The following CCDC122 variants were observed in gnomAD, a reference collection of about 807,000 sequenced individuals.
The protein encoded by CCDC122 is coiled-coil domain-containing protein 122.
CCDC122 carries 38 observed loss-of-function variants against 37.0 expected under a neutral mutation model. The observed-to-expected ratio is 1.03, with a 90% CI of 0.79 to 1.35. The LOEUF is 1.35. CCDC122 is among the 40% of genes most tolerant of loss of function. CCDC122 has a pLI of 0.00. For synonymous variants in CCDC122, 83 were observed against 95.6 expected (o/e 0.87, Z 0.77); for missense variants, 305 against 310.0 (o/e 0.98, Z 0.12).
At chr13:43,860,151 A>G (rs1318235239) in intron 4 of CCDC122, 81 bp from the exon 5 acceptor site, 1 of 676,332 alleles carries the variant, frequency 1.5e-6, no homozygotes, top group Non-Finnish European at 2.2e-6. Flanking sequence ...TCCATAATGA[A>G]TATAGGAAAA....
At chr13:43,873,516 T>A (rs1402046138) in intron 2 of CCDC122, among the ~76,000 whole-genome samples, 1 of 152,158 alleles carries the variant, frequency 6.6e-6, no homozygotes, top group Non-Finnish European at 1.5e-5. Flanking sequence ...CCCAAGGCAA[T>A]TCAACTAGAC....
intron 6 of CCDC122, among the ~76,000 whole-genome samples, chr13:43,837,973 G>A (rs1434707039): frequency 6.6e-6 from 1 of 152,100 alleles, no homozygotes; most frequent in Non-Finnish European, 1.5e-5. Flanking sequence ...GCCAGCTTTG[G>A]TCAATCACAG....
intron 4 of CCDC122, among the ~76,000 whole-genome samples, chr13:43,865,596 T>A (rs1954251703): frequency 6.6e-6 from 1 of 152,118 alleles, no homozygotes; most frequent in South Asian, 2.1e-4. Flanking sequence ...GGTCTCTCTC[T>A]CCTATCTTAT....
At position 43,879,733 on chromosome 13, in the gene CCDC122, A is replaced by AGGGG. The variant is rs1954832346; in HGVS notation, c.-303_-302insCCCC. 7.0e-6 allele frequency: 1 copy of AGGGG among 142,054 alleles called. No individual in the cohort carries two copies. The highest frequency in any genetic ancestry group is 1.5e-5 in the Non-Finnish European group (1 of 65,752). 8.8% of individuals were successfully genotyped at this position (142,054 alleles called of 1,614,324 possible). A position where few individuals can be genotyped will look rare whatever the true frequency, so the allele number is the denominator to read the frequency against. On this transcript the variant is annotated 5_prime_UTR_variant, in exon 1 of 7. Transcript: ENST00000444614. ...GCGGGGAATCTGTGCGGCCGCGGCG[A>AGGGG]GGTAGGTGAGGTGAGGCGGGGCGAG...
chr13:43,865,205 G>A (rs909978977), intron 4 of CCDC122, among the ~76,000 whole-genome samples: 8 of 152,202 alleles, frequency 5.3e-5, no homozygotes, highest in Non-Finnish European at 7.3e-5. Flanking sequence ...AACCTGGTGA[G>A]GGGTGCGGGG....
downstream of CCDC122, among the ~76,000 whole-genome samples, chr13:43,822,598 T>C (rs1186063699): frequency 2.0e-5 from 3 of 152,216 alleles, no homozygotes; most frequent in Non-Finnish European, 4.4e-5. Context: ...TCAAAAACCT[T>C]AGAAATTTAC....
downstream of CCDC122, among the ~76,000 whole-genome samples, chr13:43,832,075 T>A (rs1953094884): frequency 6.7e-6 from 1 of 149,474 alleles, no homozygotes; most frequent in Admixed American, 6.7e-5. Context: ...GAGTATTATA[T>A]GGTAGCTAAT....
intron 3 of CCDC122, among the ~76,000 whole-genome samples, chr13:43,826,131 T>A (rs1275166449): frequency 6.6e-6 from 1 of 152,190 alleles, no homozygotes; most frequent in Non-Finnish European, 1.5e-5. Context: ...GAATTTATAC[T>A]CTTGGAAATA....
chr13:43,865,551 A>G (rs988428610), intron 4 of CCDC122, among the ~76,000 whole-genome samples: 5 of 152,200 alleles, frequency 3.3e-5, no homozygotes, highest in African/African-American at 1.2e-4. Context: ...CAAAATAATT[A>G]TAACGATATA....
chr13:43,853,869 T>C (rs1361907548), intron 6 of CCDC122, among the ~76,000 whole-genome samples: 2 of 152,050 alleles, frequency 1.3e-5, no homozygotes, highest in Non-Finnish European at 2.9e-5. Flanking sequence ...AAATTGAAAA[T>C]TGAATAACCT....
At position 43,837,285 on chromosome 13, in the gene CCDC122, C is replaced by T. The variant is rs79782223; in HGVS notation, c.817G>A (p.Glu273Lys). 80,205 of 1,613,396 alleles carry T rather than the reference C, an allele frequency of 0.05. 2,364 individuals carry two copies. Among genetic ancestry groups the T allele is most frequent in the Non-Finnish European group, 0.058 (67,907 of 1,179,678 alleles). Residue 273 changes from glutamate to lysine, a missense_variant, in exon 7 of 7, where the codon GAG (glutamate) becomes AAG (lysine). Coordinates refer to ENST00000444614, the MANE Select transcript of CCDC122 (RefSeq NM_144974.5). ...CACATTGCCCTATGGCAATGTTACTCTTGCATTCCAATGCATTTTCTTAAT... is the reference window on the plus strand; with the variant it reads ...CACATTGCCCTATGGCAATGTTACTTTTGCATTCCAATGCATTTTCTTAAT... ...AELRKCIGMQE is the reference protein window; with the variant it reads ...AELRKCIGMQK
chr13:43,832,845 A>G (rs1953102789), downstream of CCDC122, among the ~76,000 whole-genome samples: 2 of 152,182 alleles, frequency 1.3e-5, no homozygotes, highest in Non-Finnish European at 2.9e-5. Context: ...TCATCTGCAA[A>G]TCAGGGAAAA....
intron 6 of CCDC122, among the ~76,000 whole-genome samples, chr13:43,857,018 A>G (rs1953935762): frequency 6.6e-6 from 1 of 152,236 alleles, no homozygotes; most frequent in African/African-American, 2.4e-5. Context: ...TACATTCACA[A>G]GAATACTGTA....
At chr13:43,833,886 G>A (rs983993059), downstream of CCDC122, among the ~76,000 whole-genome samples, 9 of 152,178 alleles carry the variant, frequency 5.9e-5, no homozygotes, top group African/African-American at 2.2e-4. Flanking sequence ...ACAGAAGCAT[G>A]TGTGTGAAAC....
At chr13:43,835,503 A>G (rs117452136), downstream of CCDC122, among the ~76,000 whole-genome samples, 3 of 152,290 alleles carry the variant, frequency 2.0e-5, no homozygotes, top group Non-Finnish European at 4.4e-5. Flanking sequence ...TTTTCAAAGA[A>G]TTTTTGACTG....
At chr13:43,873,817 C>T (rs530799979) in intron 2 of CCDC122, among the ~76,000 whole-genome samples, 1 of 152,102 alleles carries the variant, frequency 6.6e-6, no homozygotes, top group South Asian at 2.1e-4. Context: ...TTTTTCTTGA[C>T]AGCATCTATT....
intron 2 of CCDC122, among the ~76,000 whole-genome samples, chr13:43,871,866 T>C (rs775470939): frequency 1.3e-5 from 2 of 152,110 alleles, no homozygotes; most frequent in Admixed American, 6.6e-5. Context: ...ATAGACTATA[T>C]AGGCTTTAAC....
At chr13:43,831,525 T>C (rs562803910), downstream of CCDC122, among the ~76,000 whole-genome samples, 30 of 152,262 alleles carry the variant, frequency 2.0e-4, no homozygotes, top group African/African-American at 6.7e-4. Flanking sequence ...GTTAGGGAGA[T>C]AGCAATAGCA....
intron 6 of CCDC122, among the ~76,000 whole-genome samples, chr13:43,848,087 T>C (rs1566944444): frequency 6.6e-6 from 1 of 152,196 alleles, no homozygotes; most frequent in South Asian, 2.1e-4. Context: ...TGGGTTTTTC[T>C]CATAGGACTG....
Sources: allele counts gnomAD v4.1 joint callset (sites outside exome capture counted in the v4.1 genomes callset), GRCh38; gene constraint gnomAD v4.1.1; transcripts MANE v1.5; gene names NCBI Gene and HGNC (gene_info 2026-07-23, HGNC 2026-07-21).